The following MARK1 variants were observed in gnomAD, a reference collection of about 807,000 sequenced individuals.
MARK1 encodes the protein microtubule affinity regulating kinase 1, also known as serine/threonine-protein kinase MARK1.
In MARK1, 40 loss-of-function variants were observed where a neutral mutation model predicts 96.3. That is an observed-to-expected ratio of 0.42 (90% CI 0.32 to 0.54). The LOEUF is 0.54. Among genes scored for constraint, MARK1 ranks in the 20% least tolerant of loss-of-function variants. MARK1 has a pLI of 0.16. For synonymous variants in MARK1, 317 were observed against 341.2 expected, an observed-to-expected ratio of 0.93 and a Z score of 0.78; for missense variants, 719 against 984.6, an observed-to-expected ratio of 0.73 and a Z score of 3.61.
chr1:220,627,563 A>C, intron 9 of MARK1: 1 of 330,944 alleles, frequency 3.0e-6, no homozygotes, highest in Non-Finnish European at 5.9e-6. Context: ...TTAAATATAA[A>C]TATCCCCAGG....
chr1:220,625,774 G>A, intron 9 of MARK1: 1 of 452,726 alleles, frequency 2.2e-6, no homozygotes, highest in East Asian at 6.8e-5. Flanking sequence ...AGGAAAGTCT[G>A]TTACTACTAC....
chr1:220,659,392 C>T (rs6689534), intron 17 of MARK1, among the ~76,000 whole-genome samples: 6 of 152,166 alleles, frequency 3.9e-5, no homozygotes, highest in African/African-American at 1.2e-4. Flanking sequence ...GGTTCTCAGC[C>T]AGAGTGCATG....
At chr1:220,638,606 C>G (rs1404748152) in intron 13 of MARK1, among the ~76,000 whole-genome samples, 1 of 151,880 alleles carries the variant, frequency 6.6e-6, no homozygotes, top group African/African-American at 2.4e-5. Context: ...GTATTCAAAG[C>G]ATATTTATTA....
At chr1:220,551,673 G>A (rs1001765045) in intron 1 of MARK1, among the ~76,000 whole-genome samples, 5 of 152,052 alleles carry the variant, frequency 3.3e-5, no homozygotes, top group African/African-American at 4.8e-5. Flanking sequence ...GATGTTGAAT[G>A]ATGGAGAAAT....
chr1:220,612,995 A>G (rs1309282683), intron 6 of MARK1, among the ~76,000 whole-genome samples: 1 of 152,190 alleles, frequency 6.6e-6, no homozygotes, highest in East Asian at 1.9e-4. Context: ...AACAATTGCA[A>G]AGTAACCGTG....
At chr1:220,581,909 T>C (rs1664268234) in intron 3 of MARK1, among the ~76,000 whole-genome samples, 1 of 152,224 alleles carries the variant, frequency 6.6e-6, no homozygotes, top group Admixed American at 6.5e-5. Flanking sequence ...ATTTATGCTG[T>C]ATGTGATAGG....
At position 220,576,986 on chromosome 1, in the gene MARK1, C is replaced by T. The variant is rs553702868; in HGVS notation, c.52-2368C>T. ...ATCTTGAAAGATGAATGGCCAGATG[C>T]GGTGGCTTATGCCTATATCTCAGCA... On this transcript the variant is annotated intron_variant, in intron 1 of 17. Transcript: ENST00000366917. 5.9e-5 allele frequency among the ~76,000 whole-genome samples: 9 copies of T among 152,172 alleles called. No homozygotes were observed. The South Asian group carries it at 1.0e-3, about 18-fold the overall frequency.
chr1:220,596,201 A>T lies in MARK1; in HGVS notation c.310-2130A>T, dbSNP rs557942758. Among the ~76,000 whole-genome samples, 103 of 152,276 alleles carry T rather than the reference A, an allele frequency of 6.8e-4. No individual in the cohort carries two copies. The South Asian group carries it at 7.5e-3, about 11-fold the overall frequency. The stretch of plus-strand genomic sequence containing the variant: ...GAAGATAAAGGGGGCTAAGGGCTGA[A>T]CCCTGAGGACCTCCATGTTTAAAGG... On this transcript the variant is annotated intron_variant, in intron 3 of 17. Coordinates refer to ENST00000366917, the MANE Select transcript of MARK1 (RefSeq NM_018650.5).
At chr1:220,649,050 G>A (rs1055863526) in intron 13 of MARK1, among the ~76,000 whole-genome samples, 1 of 152,200 alleles carries the variant, frequency 6.6e-6, no homozygotes, top group Non-Finnish European at 1.5e-5. Context: ...AGTATCACTT[G>A]ATGTGGATAG....
At chr1:220,555,298 T>A (rs758754849) in intron 1 of MARK1, among the ~76,000 whole-genome samples, 25 of 152,248 alleles carry the variant, frequency 1.6e-4, no homozygotes, top group Non-Finnish European at 3.4e-4. Context: ...GTATTAGATA[T>A]ATTTAATTGT....
intron 16 of MARK1, 140 bp downstream of exon 16, chr1:220,653,492 G>A: frequency 2.3e-6 from 2 of 852,180 alleles, no homozygotes; most frequent in South Asian, 2.9e-5. Flanking sequence ...AGAGTTGGAA[G>A]AAAAAAATCT....
intron 1 of MARK1, among the ~76,000 whole-genome samples, chr1:220,559,593 G>A (rs1265261744): frequency 6.6e-6 from 1 of 152,216 alleles, no homozygotes; most frequent in East Asian, 1.9e-4. Flanking sequence ...TTGAGAGGGA[G>A]TAATTGATGA....
In MARK1 at chr1:220,528,663, C is replaced by T; in HGVS notation, c.-160C>T. 1 of 563,480 alleles carries T rather than the reference C, an allele frequency of 1.8e-6. No homozygotes were observed. The highest frequency in any genetic ancestry group is 3.0e-6 in the Non-Finnish European group (1 of 331,586). The allele number at this position is 563,480 out of a possible 1,614,324, so 34.9% of individuals were successfully genotyped here. On this transcript the variant is annotated 5_prime_UTR_variant, in exon 1 of 18. Coordinates refer to ENST00000366917, the MANE Select transcript of MARK1 (RefSeq NM_018650.5). ...CCTCTTCCTCCGCGTCCTCTTCCCT[C>T]TTTCCCCCGCCGGGGCCGCTTGTTG... is the stretch of plus-strand genomic sequence containing the variant.
At chr1:220,585,523 C>T (rs1324297151) in intron 3 of MARK1, among the ~76,000 whole-genome samples, 2 of 152,086 alleles carry the variant, frequency 1.3e-5, no homozygotes, top group East Asian at 3.9e-4. Context: ...TCTTTAATTA[C>T]TGGGGAAAGG....
chr1:220,589,789 T>C (rs932406854), intron 3 of MARK1, among the ~76,000 whole-genome samples: 9 of 152,190 alleles, frequency 5.9e-5, no homozygotes, highest in Non-Finnish European at 1.2e-4. Flanking sequence ...AGTTTGAAAA[T>C]GAGAAAGAAA....
intron 1 of MARK1, among the ~76,000 whole-genome samples, chr1:220,555,686 G>A (rs960829641): frequency 1.3e-5 from 2 of 152,176 alleles, no homozygotes; most frequent in African/African-American, 4.8e-5. Context: ...AGTTATGTTT[G>A]GCTATGAGAA....
intron 1 of MARK1, among the ~76,000 whole-genome samples, chr1:220,542,470 A>G (rs1422821288): frequency 1.3e-5 from 2 of 152,014 alleles, no homozygotes; most frequent in African/African-American, 4.8e-5. Context: ...TCTTTGCCTG[A>G]TTGTTATTTG....
rs139846300 is a variant in MARK1, at chr1:220,614,313, A to G, written c.496-1626A>G. 3.6e-3 allele frequency among the ~76,000 whole-genome samples: 546 copies of G among 152,086 alleles called. 2 individuals carry two copies. Among genetic ancestry groups the G allele is most frequent in the African/African-American group, 0.013 (539 of 41,502 alleles). The stretch of plus-strand genomic sequence containing the variant: ...AGGCATGAGTCCTACCTGCTTTTCA[A>G]ATACACAGTTCCCTTGTCATTAATG... On this transcript the variant is annotated intron_variant, in intron 6 of 17. Coordinates refer to ENST00000366917, the MANE Select transcript of MARK1 (RefSeq NM_018650.5).
chr1:220,600,133 A>T (rs1665643073), intron 5 of MARK1, among the ~76,000 whole-genome samples: 1 of 152,106 alleles, frequency 6.6e-6, no homozygotes, highest in African/African-American at 2.4e-5. Context: ...AAATGTATTG[A>T]TTCTCTTATC....
Sources: gnomAD v4.1 joint callset for allele counts (sites outside exome capture counted in the v4.1 genomes callset) on GRCh38, gnomAD v4.1.1 for gene constraint, MANE v1.5 for transcripts, NCBI Gene and HGNC (gene_info 2026-07-23, HGNC 2026-07-21) for gene names.